LPP: variants seen among roughly 807,000 people sequenced by gnomAD.
LPP encodes lipoma-preferred partner.
Under a neutral mutation model 60.4 loss-of-function variants are expected in LPP, and 38 were observed. The observed-to-expected ratio is 0.63, with a 90% CI of 0.49 to 0.83. The LOEUF (loss-of-function observed/expected upper bound fraction) is 0.83, where lower values mean the gene tolerates loss of function less well. Ranked by LOEUF, LPP falls within the 40% of genes least tolerant of loss-of-function variation. LPP has a pLI of 0.00. For synonymous variants in LPP, 328 were observed against 290.8 expected (o/e 1.13, Z -1.30); for missense variants, 902 against 783.6 (o/e 1.15, Z -1.80).
chr3:188,426,601 G>T (rs556539478), intron 4 of LPP, among the ~76,000 whole-genome samples: 22 of 152,156 alleles, frequency 1.4e-4, no homozygotes, highest in Middle Eastern at 3.4e-3. Flanking sequence ...CTCTTTGTAG[G>T]TCTCTAAGAA....
intron 2 of LPP, among the ~76,000 whole-genome samples, chr3:188,243,613 T>C (rs2149489357): frequency 6.6e-6 from 1 of 152,320 alleles, no homozygotes; most frequent in Admixed American, 6.5e-5. Context: ...TTGGCATGAT[T>C]CTTGCTGTCC....
At chr3:188,524,893 GTCCGTCCTTCCT>G (rs1194479421) in intron 6 of LPP, 106 bp downstream of exon 6, 27 of 226,722 alleles carry the variant, frequency 1.2e-4, no homozygotes, top group Middle Eastern at 1.4e-3. Context: ...CCTTCCTTCC[GTCCGTCCTTCCT>G]TCCTTCCTTC....
intron 2 of LPP, among the ~76,000 whole-genome samples, chr3:188,331,794 CTGAGA>C (rs1391422808): frequency 6.6e-6 from 1 of 152,124 alleles, no homozygotes; most frequent in Non-Finnish European, 1.5e-5. Context: ...AGTCTGAAAG[CTGAGA>C]TATGAATTCT....
intron 5 of LPP, among the ~76,000 whole-genome samples, chr3:188,517,961 C>T (rs939377038): frequency 6.6e-6 from 1 of 152,078 alleles, no homozygotes; most frequent in African/African-American, 2.4e-5. Flanking sequence ...AAGAGTATAG[C>T]ACCTCTCCTC....
At chr3:188,478,188 C>A (rs1409203624) in intron 4 of LPP, among the ~76,000 whole-genome samples, 1 of 152,070 alleles carries the variant, frequency 6.6e-6, no homozygotes, top group African/African-American at 2.4e-5. Flanking sequence ...TCTGAGTGAT[C>A]AAGTTTAGAT....
chr3:188,491,733 G>A (rs1247939966), intron 5 of LPP, among the ~76,000 whole-genome samples: 1 of 152,114 alleles, frequency 6.6e-6, no homozygotes, highest in Non-Finnish European at 1.5e-5. Flanking sequence ...CAGTTTTCCT[G>A]GTTGCTTTTT....
At chr3:188,240,719 T>G (rs1724221279) in intron 2 of LPP, among the ~76,000 whole-genome samples, 1 of 152,286 alleles carries the variant, frequency 6.6e-6, no homozygotes, top group East Asian at 1.9e-4. Context: ...TTCTTTGGGA[T>G]TCTTCCCTCA....
intron 3 of LPP, among the ~76,000 whole-genome samples, chr3:188,388,655 T>G (rs2148654702): frequency 6.6e-6 from 1 of 152,332 alleles, no homozygotes; most frequent in East Asian, 1.9e-4. Context: ...AATGAAAAAC[T>G]TACATCATGA....
At chr3:188,634,664 G>C (rs1052530412) in intron 7 of LPP, among the ~76,000 whole-genome samples, 1 of 152,168 alleles carries the variant, frequency 6.6e-6, no homozygotes, top group Non-Finnish European at 1.5e-5. Context: ...ACATGCGAGG[G>C]ATATATTTTG....
At chr3:188,828,271 G>A (rs1756125593) in intron 9 of LPP, among the ~76,000 whole-genome samples, 1 of 151,976 alleles carries the variant, frequency 6.6e-6, no homozygotes, top group African/African-American at 2.4e-5. Context: ...GGGAGAAGGA[G>A]CTAAGAGTCT....
intron 3 of LPP, among the ~76,000 whole-genome samples, chr3:188,348,191 G>T (rs1764897167): frequency 1.3e-5 from 2 of 151,388 alleles, no homozygotes; most frequent in African/African-American, 4.9e-5. Flanking sequence ...TTATTGCTCA[G>T]GCTGGAGTGC....
At chr3:188,718,485 C>T (rs1466575019) in intron 8 of LPP, among the ~76,000 whole-genome samples, 2 of 152,084 alleles carry the variant, frequency 1.3e-5, no homozygotes, top group Non-Finnish European at 2.9e-5. Context: ...ATGTATTTTT[C>T]AAATACAAAA....
intron 8 of LPP, among the ~76,000 whole-genome samples, chr3:188,714,563 G>T (rs1713006651): frequency 6.6e-6 from 1 of 151,658 alleles, no homozygotes; most frequent in Non-Finnish European, 1.5e-5. Context: ...TAACAAACAG[G>T]GACCCTTAAC....
intron 1 of LPP, among the ~76,000 whole-genome samples, chr3:188,177,670 T>C (rs1217030791): frequency 2.0e-5 from 3 of 152,170 alleles, no homozygotes; most frequent in African/African-American, 2.4e-5. Context: ...ATGGTAATTA[T>C]GCTGATGTTA....
At chr3:188,714,296 A>G (rs1441473565) in intron 8 of LPP, among the ~76,000 whole-genome samples, 1 of 152,148 alleles carries the variant, frequency 6.6e-6, no homozygotes, top group East Asian at 1.9e-4. Flanking sequence ...TTCAAGTGAG[A>G]GATGGAGGGA....
intron 9 of LPP, among the ~76,000 whole-genome samples, chr3:188,816,076 C>T (rs1364531936): frequency 4.6e-5 from 7 of 151,456 alleles, no homozygotes; most frequent in African/African-American, 7.3e-5. Flanking sequence ...TTTCAAATGA[C>T]ATTATTGATA....
chr3:188,872,577 T>C (rs544136686), intron 10 of LPP, 66 bp from the exon 11 acceptor site: 23 of 1,597,588 alleles, frequency 1.4e-5, no homozygotes, highest in Non-Finnish European at 1.9e-5. Flanking sequence ...CCTCTTCCTT[T>C]TACCTCTGCG....
chr3:188,265,903 GTA>G (rs1735374990), intron 2 of LPP, among the ~76,000 whole-genome samples: 1 of 149,600 alleles, frequency 6.7e-6, no homozygotes, highest in Non-Finnish European at 1.5e-5. Flanking sequence ...GTGTGTGTGT[GTA>G]TGTGTTTTGC....
At chr3:188,753,573 T>TTTGCG (rs1553829817) in intron 8 of LPP, among the ~76,000 whole-genome samples, 2 of 118,254 alleles carry the variant, frequency 1.7e-5, no homozygotes, top group African/African-American at 6.5e-5. Flanking sequence ...TTTTGGCTTG[T>TTTGCG]TGTGTGCGTG....
Sources: allele counts gnomAD v4.1 joint callset (sites outside exome capture counted in the v4.1 genomes callset), GRCh38; gene constraint gnomAD v4.1.1; transcripts MANE v1.5; gene names NCBI Gene and HGNC (gene_info 2026-07-23, HGNC 2026-07-21).